The following SNX30 variants were observed in gnomAD, a reference collection of about 807,000 sequenced individuals.
The protein encoded by SNX30 is sorting nexin-30.
A neutral mutation model predicts 46.4 loss-of-function variants in SNX30; 24 were observed. The ratio of observed to expected loss-of-function variants is 0.52; its 90% CI spans 0.37 to 0.73. SNX30 has a LOEUF of 0.73. Ranked by LOEUF, SNX30 falls within the 30% of genes least tolerant of loss-of-function variation. The pLI, the probability that SNX30 is intolerant of heterozygous loss-of-function variation, is 0.00. For missense variants in SNX30, 533 were observed against 555.7 expected, an observed-to-expected ratio of 0.96 and a Z score of 0.41; for synonymous variants, 189 against 211.5, an observed-to-expected ratio of 0.89 and a Z score of 0.92.
chr9:112,791,603 G>C lies in SNX30; in HGVS notation c.157-13173G>C, dbSNP rs1390598078. On this transcript the variant is annotated intron_variant, in intron 1 of 8. Transcript: ENST00000374232. Reference sequence around the variant, plus strand: ...ATTTTTGTATTTTTAGTAGAGATGGGGTTTCACCATGTTGGCCAGGCTGGT... The same window carrying C: ...ATTTTTGTATTTTTAGTAGAGATGGCGTTTCACCATGTTGGCCAGGCTGGT... 2.0e-5 allele frequency among the ~76,000 whole-genome samples: 3 copies of C among 151,490 alleles called. No individual in the cohort carries two copies. The East Asian group carries it at 5.8e-4, about 29-fold the overall frequency.
Position 112,865,661 on chromosome 9 carries a change from A to ATATATATATATATATGTGTGTGTG in SNX30, c.1254+1263_1254+1264insATATATATATATATGTGTGTGTGT. Among the ~76,000 whole-genome samples, 6 of 105,700 alleles carry ATATATATATATATATGTGTGTGTG rather than the reference A, an allele frequency of 5.7e-5. 1 individual carries two copies. Among genetic ancestry groups the ATATATATATATATATGTGTGTGTG allele is most frequent in the African/African-American group, 1.5e-4 (4 of 26,330 alleles). 69.3% of individuals were successfully genotyped at this position (105,700 alleles called of 152,430 possible). A position where few individuals can be genotyped will look rare whatever the true frequency, so the allele number is the denominator to read the frequency against. ...TATATATATATATATATATATATATATGTATGTATGTATGCACACACACAC... is the reference window on the plus strand; with the variant it reads ...TATATATATATATATATATATATATATATATATATATATATGTGTGTGTGTGTATGTATGTATGCACACACACAC... On this transcript the variant is annotated intron_variant, in intron 8 of 8. Transcript: ENST00000374232.
intron 1 of SNX30, among the ~76,000 whole-genome samples, chr9:112,780,855 T>C (rs985915682): frequency 1.3e-5 from 2 of 152,194 alleles, no homozygotes; most frequent in African/African-American, 2.4e-5. Context: ...GATACGGTAA[T>C]GTGCTCTGAA....
intron 1 of SNX30, among the ~76,000 whole-genome samples, chr9:112,776,803 C>T (rs1388868871): frequency 6.6e-6 from 1 of 152,194 alleles, no homozygotes; most frequent in East Asian, 1.9e-4. Context: ...GGATGTGTGG[C>T]TGATAACAGG....
intron 3 of SNX30, among the ~76,000 whole-genome samples, chr9:112,824,897 A>G (rs1189715333): frequency 1.3e-5 from 2 of 152,060 alleles, no homozygotes; most frequent in African/African-American, 4.8e-5. Flanking sequence ...TACGACCATC[A>G]CCACCATTGA....
In SNX30 at chr9:112,872,329, C is replaced by T. The variant is rs1841459126; in HGVS notation, c.*3486C>T. Reference sequence around the variant, plus strand: ...TTGGGATGGCAGCCCGAGGAACATCCAGAGTTACTGTGTGACTTGGTCCTG... The same window carrying T: ...TTGGGATGGCAGCCCGAGGAACATCTAGAGTTACTGTGTGACTTGGTCCTG... On this transcript the variant is annotated 3_prime_UTR_variant, in exon 9 of 9. Transcript: ENST00000374232. The T allele has an allele frequency of 1.3e-5, 2 of 152,220 alleles. No homozygotes were observed. The allele number at this position is 152,220 out of a possible 1,614,324, so 9.4% of individuals were successfully genotyped here. A position where few individuals can be genotyped will look rare whatever the true frequency, so the allele number is the denominator to read the frequency against.
At chr9:112,752,652 A>G (rs980937768) in intron 1 of SNX30, among the ~76,000 whole-genome samples, 1 of 152,238 alleles carries the variant, frequency 6.6e-6, no homozygotes, top group African/African-American at 2.4e-5. Flanking sequence ...ATCGACAAAA[A>G]TTGGTCTTAA....
At chr9:112,882,600 G>A (rs938818132), downstream of SNX30, among the ~76,000 whole-genome samples, 1 of 152,168 alleles carries the variant, frequency 6.6e-6, no homozygotes, top group East Asian at 1.9e-4. Context: ...CTCTGGATTA[G>A]GGGGTAGCAG....
chr9:112,866,353 G>T (rs1462222831), intron 8 of SNX30: 1 of 435,854 alleles, frequency 2.3e-6, no homozygotes, highest in Middle Eastern at 3.4e-4. Context: ...AGAGACAGAG[G>T]CTTGGAAAAC....
intron 1 of SNX30, among the ~76,000 whole-genome samples, chr9:112,795,568 C>G (rs1034536922): frequency 1.3e-5 from 2 of 152,074 alleles, no homozygotes; most frequent in South Asian, 4.2e-4. Context: ...ACTGACTCTC[C>G]CCTCCCTCAC....
intron 8 of SNX30, 21 bp from the exon 9 acceptor site, chr9:112,868,759 CTGTG>C: frequency 6.2e-7 from 1 of 1,613,672 alleles, no homozygotes; most frequent in Non-Finnish European, 8.5e-7. Context: ...AAAGCTGATA[CTGTG>C]TGTGTATGTT....
At chr9:112,884,897 G>T (rs1471821233), downstream of SNX30, among the ~76,000 whole-genome samples, 5 of 152,254 alleles carry the variant, frequency 3.3e-5, no homozygotes, top group East Asian at 9.6e-4. Flanking sequence ...TTTTCAAGCG[G>T]GCAAAAACTA....
chr9:112,836,432 G>A (rs570007406), intron 5 of SNX30, 23 bp downstream of exon 5: 46 of 1,573,406 alleles, frequency 2.9e-5, no homozygotes, highest in South Asian at 4.5e-5. Context: ...TTGAGGTCTC[G>A]ATTATGCCCT....
intron 3 of SNX30, among the ~76,000 whole-genome samples, chr9:112,826,448 A>C (rs1405279237): frequency 1.3e-5 from 2 of 152,194 alleles, no homozygotes; most frequent in East Asian, 3.9e-4. Flanking sequence ...GGGTGGTTGG[A>C]TTCGTATTTT....
intron 4 of SNX30, among the ~76,000 whole-genome samples, chr9:112,834,323 G>T (rs1354884000): frequency 6.6e-6 from 1 of 152,140 alleles, no homozygotes; most frequent in Non-Finnish European, 1.5e-5. Flanking sequence ...CGGACCTTAA[G>T]TTCAAGCCTC....
rs374697212 is a variant in SNX30 at position 112,838,476 on chromosome 9, T to C, written c.815-22T>C. On this transcript the variant is annotated intron_variant, in intron 5 of 8. Coordinates refer to ENST00000374232, the MANE Select transcript of SNX30 (RefSeq NM_001012994.2). Reference sequence around the variant, plus strand: ...CAACTGCTACCCAGCCAGATTTTAATTAGTTTCTGTTCCCTGTTCAGAGTA... The same window carrying C: ...CAACTGCTACCCAGCCAGATTTTAACTAGTTTCTGTTCCCTGTTCAGAGTA... The C allele has an allele frequency of 4.2e-5, 66 of 1,582,500 alleles. No individual in the cohort carries two copies. The African/African-American group carries it at 7.7e-4, about 18-fold the overall frequency.
chr9:112,880,800 T>C (rs1841566840), intron 5 of SNX30, among the ~76,000 whole-genome samples: 1 of 152,226 alleles, frequency 6.6e-6, no homozygotes, highest in Non-Finnish European at 1.5e-5. Flanking sequence ...AATTTTTTTA[T>C]CCATTTATGG....
intron 1 of SNX30, among the ~76,000 whole-genome samples, chr9:112,777,810 C>T (rs982795513): frequency 5.9e-5 from 9 of 152,038 alleles, no homozygotes; most frequent in South Asian, 2.1e-4. Context: ...CTATGTGCCA[C>T]GCATTGTATC....
At chr9:112,839,672 T>TA (rs1340318063) in intron 6 of SNX30, among the ~76,000 whole-genome samples, 2 of 152,210 alleles carry the variant, frequency 1.3e-5, no homozygotes, top group African/African-American at 4.8e-5. Flanking sequence ...TAGAAAAAGA[T>TA]ACGTGGTTCA....
At chr9:112,776,132 G>A (rs542962171) in intron 1 of SNX30, among the ~76,000 whole-genome samples, 88 of 151,906 alleles carry the variant, frequency 5.8e-4, no homozygotes, top group East Asian at 7.7e-4. Flanking sequence ...AAATCCAGTG[G>A]GCCCTTTTAG....
Sources: gnomAD v4.1 joint callset for allele counts (sites outside exome capture counted in the v4.1 genomes callset) on GRCh38, gnomAD v4.1.1 for gene constraint, MANE v1.5 for transcripts, NCBI Gene and HGNC (gene_info 2026-07-23, HGNC 2026-07-21) for gene names.